The following DGAT2 variants were observed in gnomAD, a reference collection of about 807,000 sequenced individuals.
DGAT2 encodes the protein diacylglycerol O-acyltransferase 2.
DGAT2 carries 33 observed loss-of-function variants against 48.4 expected under a neutral mutation model. That is an observed-to-expected ratio of 0.68 (90% CI 0.52 to 0.91). The LOEUF is 0.91. Among genes scored for constraint, DGAT2 ranks in the 40% least tolerant of loss-of-function variants. The pLI, the probability that DGAT2 is intolerant of heterozygous loss-of-function variation, is 0.00. For synonymous variants in DGAT2, 191 were observed against 194.1 expected (o/e 0.98, Z 0.13); for missense variants, 446 against 493.7 (o/e 0.90, Z 0.92).
chr11:75,791,016 A>G (rs1003184211), intron 4 of DGAT2, among the ~76,000 whole-genome samples: 3 of 152,252 alleles, frequency 2.0e-5, no homozygotes, highest in African/African-American at 7.2e-5. Flanking sequence ...AGGCACAGCC[A>G]TCTGGCCCTG....
intron 1 of DGAT2, among the ~76,000 whole-genome samples, chr11:75,784,037 T>C (rs1944895323): frequency 6.6e-6 from 1 of 151,594 alleles, no homozygotes; most frequent in Admixed American, 6.6e-5. Flanking sequence ...CTGAAAGTGG[T>C]AGTGGTGTGG....
At chr11:75,789,049 G>A (rs986569684) in intron 2 of DGAT2, among the ~76,000 whole-genome samples, 2 of 152,186 alleles carry the variant, frequency 1.3e-5, no homozygotes, top group Non-Finnish European at 2.9e-5. Flanking sequence ...CTTCCTTTCT[G>A]TGCCAGGCTA....
chr11:75,787,784 G>T (rs1944937448), intron 2 of DGAT2, among the ~76,000 whole-genome samples: 1 of 152,360 alleles, frequency 6.6e-6, no homozygotes, highest in South Asian at 2.1e-4. Context: ...CTCCCAAGGA[G>T]CTCGGGCTGA....
At chr11:75,778,471 G>A (rs142776134) in intron 1 of DGAT2, among the ~76,000 whole-genome samples, 1,628 of 152,276 alleles carry the variant, frequency 0.011, 13 homozygotes, top group South Asian at 0.03. Flanking sequence ...TCTGGAGATG[G>A]GAGGAGCAAT....
intron 1 of DGAT2, chr11:75,776,636 A>C (rs1944805624): frequency 6.6e-6 from 1 of 152,252 alleles, no homozygotes; most frequent in Non-Finnish European, 1.5e-5. Flanking sequence ...CTGGCTGAGC[A>C]CATGGTGAGG....
chr11:75,775,179 T>G (rs1944792734), intron 1 of DGAT2, among the ~76,000 whole-genome samples: 1 of 152,184 alleles, frequency 6.6e-6, no homozygotes, highest in African/African-American at 2.4e-5. Context: ...GCACTCAGAT[T>G]TCAACAAATC....
At chr11:75,793,891 G>A (rs954375982) in intron 4 of DGAT2, 5 of 149,984 alleles carry the variant, frequency 3.3e-5, no homozygotes, top group Non-Finnish European at 7.4e-5. Flanking sequence ...AGACCTGCTT[G>A]TTAGGCAAAA....
At chr11:75,777,360 G>T (rs1944812752) in intron 1 of DGAT2, among the ~76,000 whole-genome samples, 1 of 152,172 alleles carries the variant, frequency 6.6e-6, no homozygotes, top group Non-Finnish European at 1.5e-5. Flanking sequence ...CAGAGCCAGG[G>T]TTTGAATCCT....
intron 1 of DGAT2, 97 bp downstream of exon 1, chr11:75,769,209 C>A: frequency 1.4e-6 from 2 of 1,389,556 alleles, no homozygotes; most frequent in Middle Eastern, 2.0e-4. Flanking sequence ...CACGTTCATT[C>A]TCCACTGTGG....
At chr11:75,797,478 C>G (rs1945069870) in intron 6 of DGAT2, 146 bp downstream of exon 6, 2 of 1,037,764 alleles carry the variant, frequency 1.9e-6, no homozygotes, top group African/African-American at 1.7e-5. Flanking sequence ...ATGTTGGAGC[C>G]CAGACTGCAC....
intron 2 of DGAT2, among the ~76,000 whole-genome samples, chr11:75,788,914 C>T (rs1650114572): frequency 6.6e-6 from 1 of 152,170 alleles, no homozygotes; most frequent in African/African-American, 2.4e-5. Flanking sequence ...TATTGGGGAA[C>T]ACTTCTTGAA....
intron 1 of DGAT2, among the ~76,000 whole-genome samples, chr11:75,778,584 C>T (rs1345193931): frequency 6.6e-6 from 1 of 152,118 alleles, no homozygotes; most frequent in Admixed American, 6.5e-5. Context: ...CCTGTAATCG[C>T]AGCACTTTGG....
chr11:75,770,425 A>G lies in DGAT2; in HGVS notation c.121+1313A>G, dbSNP rs529284324. ...GGGGGCGAGCAGCTTGAGCTGCCCC[A>G]TGTATCCAGCCAGTAGCCTCTGACA... is the stretch of plus-strand genomic sequence containing the variant. On this transcript the variant is annotated intron_variant, in intron 1 of 7. Coordinates refer to ENST00000228027, the MANE Select transcript of DGAT2 (RefSeq NM_032564.5). Among the ~76,000 whole-genome samples, 38 of 152,324 alleles carry G rather than the reference A, an allele frequency of 2.5e-4. No homozygotes were observed. In the South Asian group the frequency reaches 7.5e-3, roughly 30 times the overall value.
At chr11:75,785,627 C>T (rs150561662) in intron 2 of DGAT2, among the ~76,000 whole-genome samples, 28 of 152,316 alleles carry the variant, frequency 1.8e-4, no homozygotes, top group East Asian at 5.8e-4. Flanking sequence ...TTCCTCAGCA[C>T]GTCAAGGCAG....
intron 1 of DGAT2, among the ~76,000 whole-genome samples, chr11:75,774,297 A>G (rs1402823694): frequency 1.3e-5 from 2 of 152,232 alleles, no homozygotes; most frequent in African/African-American, 4.8e-5. Flanking sequence ...CCGCAGCCTC[A>G]GCAAGCCACT....
rs755670852 is a variant in DGAT2 at position 75,790,220 on chromosome 11, T to C, written c.283T>C (p.Phe95Leu). 6 of 1,614,124 alleles carry C rather than the reference T, an allele frequency of 3.7e-6. No homozygotes were observed. In the South Asian group the frequency reaches 5.5e-5, roughly 15 times the overall value. Reference protein sequence around the residue: ...VACSAILMYIFCTDCWLIAVL... With the variant: ...VACSAILMYILCTDCWLIAVL... ...CTGCAGTGCCATCCTCATGTACATA[T>C]TCTGCACTGATTGCTGGCTCATCGC... The change falls in exon 3 of 8, where the codon TTC becomes CTC. Residue 95 changes from phenylalanine (F) to leucine (L), a missense_variant. Transcript: ENST00000228027.
chr11:75,790,337 A>T lies in DGAT2; in HGVS notation c.358+42A>T, dbSNP rs1328980256. On this transcript the variant is annotated intron_variant, in intron 3 of 7. Coordinates refer to ENST00000228027, the MANE Select transcript of DGAT2 (RefSeq NM_032564.5). ...CCTTGCCCCACCTCTCATTCTAGGGATGCTCTTCCCCCTGCACAAGCTGAA... is the reference window on the plus strand; with the variant it reads ...CCTTGCCCCACCTCTCATTCTAGGGTTGCTCTTCCCCCTGCACAAGCTGAA... The T allele has an allele frequency of 2.7e-6, 4 of 1,502,412 alleles. No individual in the cohort carries two copies. The South Asian group carries it at 4.5e-5, about 17-fold the overall frequency. 93.1% of individuals were successfully genotyped at this position (1,502,412 alleles called of 1,614,324 possible). A position where few individuals can be genotyped will look rare whatever the true frequency, so the allele number is the denominator to read the frequency against.
intron 1 of DGAT2, among the ~76,000 whole-genome samples, chr11:75,782,997 A>C (rs973571941): frequency 6.6e-6 from 1 of 152,194 alleles, no homozygotes; most frequent in African/African-American, 2.4e-5. Context: ...GGAGGTGGGA[A>C]AGTCCTATGA....
In DGAT2 at chr11:75,790,322, CCT is replaced by C. The variant is rs1944973167; in HGVS notation, c.358+31_358+32del. 1.9e-6 allele frequency: 3 copies of C among 1,553,922 alleles called. No homozygotes were observed. In the African/African-American group the frequency reaches 4.1e-5, roughly 21 times the overall value. ...TAAGTGCAAGGCCTCCCTTGCCCCA[CCT>C]CTCATTCTAGGGATGCTCTTCCCCC... is the stretch of plus-strand genomic sequence containing the variant. On this transcript the variant is annotated intron_variant, in intron 3 of 7. Transcript: ENST00000228027.
Sources: allele counts gnomAD v4.1 joint callset (sites outside exome capture counted in the v4.1 genomes callset), GRCh38; gene constraint gnomAD v4.1.1; transcripts MANE v1.5; gene names NCBI Gene and HGNC (gene_info 2026-07-23, HGNC 2026-07-21).